SSH2: variants seen among roughly 807,000 people sequenced by gnomAD.
SSH2 encodes slingshot protein phosphatase 2.
A neutral mutation model predicts 135.2 loss-of-function variants in SSH2; 37 were observed. The observed-to-expected ratio is 0.27, with a 90% CI of 0.21 to 0.36. The LOEUF is 0.36. Ranked by LOEUF, SSH2 falls within the 10% of genes least tolerant of loss-of-function variation. SSH2 has a pLI of 1.00. For missense variants in SSH2, 1,408 were observed against 1,765.3 expected (o/e 0.80, Z 3.63); for synonymous variants, 628 against 646.2 (o/e 0.97, Z 0.43).
intron 3 of SSH2, among the ~76,000 whole-genome samples, chr17:29,742,877 C>G (rs972234982): frequency 6.6e-6 from 1 of 152,040 alleles, no homozygotes; most frequent in Non-Finnish European, 1.5e-5. Flanking sequence ...TCAAGTGATC[C>G]GCCGACCTCA....
At chr17:29,756,449 CCTATCTGT>C (rs1366104596) in intron 3 of SSH2, among the ~76,000 whole-genome samples, 188 of 123,692 alleles carry the variant, frequency 1.5e-3, no homozygotes, top group Non-Finnish European at 1.9e-3. Context: ...TGCCTGCCTG[CCTATCTGT>C]CTATCTATCC....
chr17:29,788,849 A>G (rs2042015533), intron 3 of SSH2, among the ~76,000 whole-genome samples: 1 of 152,218 alleles, frequency 6.6e-6, no homozygotes, highest in Non-Finnish European at 1.5e-5. Flanking sequence ...GCTAAAGGCA[A>G]TTCTGGTGAG....
At chr17:29,644,903 T>C (rs1483535042) in intron 14 of SSH2, 2 of 152,226 alleles carry the variant, frequency 1.3e-5, no homozygotes, top group Non-Finnish European at 2.9e-5. Context: ...AATTGATTAC[T>C]TGCAGCCAAA....
At chr17:29,895,775 A>G (rs1675718165) in intron 1 of SSH2, among the ~76,000 whole-genome samples, 1 of 108,440 alleles carries the variant, frequency 9.2e-6, no homozygotes, top group African/African-American at 3.6e-5. Context: ...TTTCATGTAT[A>G]AAATGTATTT....
At chr17:29,767,629 G>GCA (rs35751093) in intron 3 of SSH2, among the ~76,000 whole-genome samples, 67,200 of 147,408 alleles carry the variant, frequency 0.46, 15,133 homozygotes, top group Non-Finnish European at 0.48. Context: ...GCACACACAC[G>GCA]CACACACACA....
chr17:29,825,442 G>A (rs1244653347), intron 2 of SSH2, among the ~76,000 whole-genome samples: 3 of 152,162 alleles, frequency 2.0e-5, no homozygotes, highest in Non-Finnish European at 1.5e-5. Flanking sequence ...GTCCAGGATT[G>A]CAGAAGTGGG....
chr17:29,632,173 C>T lies in SSH2; in HGVS notation c.3021G>A (p.Gln1007=). The T allele has an allele frequency of 6.2e-7, 1 of 1,614,052 alleles. No individual in the cohort carries two copies. Among genetic ancestry groups the T allele is most frequent in the Non-Finnish European group, 8.5e-7 (1 of 1,179,978 alleles). The change falls in exon 16 of 16, where the codon CAG becomes CAA. Residue 1007 remains glutamine (Q), a synonymous_variant. Coordinates refer to ENST00000540801, the MANE Select transcript of SSH2 (RefSeq NM_001282129.2). ...TCCTCAGATCCTTCAGGACTCCTTC[C>T]TGCTGTGTTCCAGTATCTGACCCTG... The part of the protein sequence containing the change: ...EGPGSDTGTQ[Q]EGVLKDLRTV...
chr17:29,638,549 CACACACACACACAG>C (rs1465208655), intron 14 of SSH2, among the ~76,000 whole-genome samples: 108 of 149,868 alleles, frequency 7.2e-4, no homozygotes, highest in Middle Eastern at 3.4e-3. Context: ...CACACACACA[CACACACACACACAG>C]AGACAGGGTA....
At chr17:29,674,289 T>C in intron 8 of SSH2, 1 of 413,832 alleles carries the variant, frequency 2.4e-6, no homozygotes, top group Non-Finnish European at 4.8e-6. Flanking sequence ...AAATGCTTTA[T>C]ATTACTCAAA....
rs2039071536 is a variant in SSH2 at position 29,703,468 on chromosome 17, A to C, written c.189-406T>G. Among the ~76,000 whole-genome samples, 3 of 152,124 alleles carry C rather than the reference A, an allele frequency of 2.0e-5. No homozygotes were observed. In the South Asian group the frequency reaches 6.2e-4, roughly 32 times the overall value. On this transcript the variant is annotated intron_variant, in intron 3 of 15. Coordinates refer to ENST00000540801, the MANE Select transcript of SSH2 (RefSeq NM_001282129.2). Reference sequence around the variant, plus strand: ...CACTATGTAGGTCAAGATGGTCTCAAACTCCTGACCTCAAATGATCCGCCC... The same window carrying C: ...CACTATGTAGGTCAAGATGGTCTCACACTCCTGACCTCAAATGATCCGCCC...
intron 1 of SSH2, among the ~76,000 whole-genome samples, chr17:29,879,794 A>G (rs538402230): frequency 1.3e-5 from 2 of 152,316 alleles, no homozygotes; most frequent in African/African-American, 2.4e-5. Context: ...GAAAATCATC[A>G]AAACAAGATG....
At chr17:29,731,939 CCCAGTG>C (rs1163901818) in intron 3 of SSH2, among the ~76,000 whole-genome samples, 1 of 152,110 alleles carries the variant, frequency 6.6e-6, no homozygotes, top group Non-Finnish European at 1.5e-5. Context: ...ACCCCACAAC[CCCAGTG>C]CTGGTCAATT....
chr17:29,668,100 T>TAG (rs1462118267), intron 9 of SSH2, among the ~76,000 whole-genome samples: 2 of 152,226 alleles, frequency 1.3e-5, no homozygotes, highest in East Asian at 3.8e-4. Flanking sequence ...TCAAGAAAGG[T>TAG]ATCTGGCTCT....
intron 2 of SSH2, among the ~76,000 whole-genome samples, chr17:29,796,357 T>C (rs896639383): frequency 2.0e-5 from 3 of 152,226 alleles, no homozygotes; most frequent in Non-Finnish European, 4.4e-5. Flanking sequence ...ATACTTTTTT[T>C]TGAGACGGAG....
intron 1 of SSH2, among the ~76,000 whole-genome samples, chr17:29,907,422 TG>T (rs1316826590): frequency 6.6e-6 from 1 of 152,130 alleles, no homozygotes; most frequent in Non-Finnish European, 1.5e-5. Flanking sequence ...ACCTAGGTAA[TG>T]GGATGATCTG....
chr17:29,725,687 G>C (rs985974514), intron 3 of SSH2, among the ~76,000 whole-genome samples: 1 of 152,180 alleles, frequency 6.6e-6, no homozygotes, highest in Non-Finnish European at 1.5e-5. Flanking sequence ...TCATAAGTGG[G>C]AGTTGAACAA....
chr17:29,911,035 T>C (rs1264742041), intron 1 of SSH2, among the ~76,000 whole-genome samples: 1 of 152,222 alleles, frequency 6.6e-6, no homozygotes, highest in African/African-American at 2.4e-5. Context: ...CATTGATCCA[T>C]GCTGTTGAAG....
chr17:29,638,059 G>A (rs567413848), intron 14 of SSH2, among the ~76,000 whole-genome samples: 3 of 151,746 alleles, frequency 2.0e-5, no homozygotes, highest in Non-Finnish European at 4.4e-5. Context: ...GGTTGCAGTG[G>A]GCCGAGATTG....
At chr17:29,833,176 A>G (rs2042878190) in intron 2 of SSH2, among the ~76,000 whole-genome samples, 1 of 152,176 alleles carries the variant, frequency 6.6e-6, no homozygotes, top group South Asian at 2.1e-4. Flanking sequence ...CAATATTGAA[A>G]GTGGAATGAT....
Sources: gnomAD v4.1 joint callset for allele counts (sites outside exome capture counted in the v4.1 genomes callset) on GRCh38, gnomAD v4.1.1 for gene constraint, MANE v1.5 for transcripts, NCBI Gene and HGNC (gene_info 2026-07-23, HGNC 2026-07-21) for gene names.